MROH6: variants seen among roughly 807,000 people sequenced by gnomAD.
MROH6 encodes maestro heat-like repeat-containing protein family member 6.
MROH6 carries 62 observed loss-of-function variants against 67.7 expected under a neutral mutation model. The observed-to-expected ratio is 0.92, with a 90% CI of 0.75 to 1.13. The LOEUF is 1.13. MROH6 is among the 50% of genes most tolerant of loss of function. MROH6 has a pLI of 0.00. For synonymous variants in MROH6, 566 were observed against 470.8 expected (o/e 1.20, Z -2.62); for missense variants, 1,175 against 1,029.1 (o/e 1.14, Z -1.94).
chr8:143,569,329 AGGGCGGGGCCT>A (rs1476243973), intron 9 of MROH6, 101 bp downstream of exon 9: 2 of 714,092 alleles, frequency 2.8e-6, no homozygotes, highest in Non-Finnish European at 1.9e-6. Flanking sequence ...GGGGCCTGAG[AGGGCGGGGCCT>A]GGGCGGGAGA....
At chr8:143,572,400 A>T in intron 1 of MROH6, 21 bp downstream of exon 1, 2 of 1,538,840 alleles carry the variant, frequency 1.3e-6, no homozygotes, top group Non-Finnish European at 1.7e-6. Context: ...TTCGCACAAC[A>T]TCCCTTCCCT....
At chr8:143,567,715 C>T in intron 12 of MROH6, 39 bp from the exon 13 acceptor site, 9 of 1,573,580 alleles carry the variant, frequency 5.7e-6, no homozygotes, top group South Asian at 1.2e-5. Context: ...GCCCCACAGC[C>T]CCCCAGGGGG....
chr8:143,572,644 A>G lies in MROH6; in HGVS notation c.71T>C (p.Leu24Pro). 6.3e-7 allele frequency: 1 copy of G among 1,577,320 alleles called. No homozygotes were observed. The highest frequency in any genetic ancestry group is 1.8e-5 in the Admixed American group (1 of 56,752). ...CTGCCTGGCCCGGATTCCTTCAGTCAGTGCTGTCAGGGTTAGAGCCCCCAC... is the reference window on the plus strand; with the variant it reads ...CTGCCTGGCCCGGATTCCTTCAGTCGGTGCTGTCAGGGTTAGAGCCCCCAC... ...APVGALTLTA[L>P]TEGIRARQGQ... The change falls in exon 1 of 14, where the codon CTG becomes CCG. Residue 24 changes from leucine (L) to proline (P), a missense_variant. Physicochemically the swap from Leu to Pro is moderately conservative, Grantham distance 98. Coordinates refer to ENST00000398882, the MANE Select transcript of MROH6 (RefSeq NM_001100878.2).
Position 143,567,859 on chromosome 8 carries a change from G to A in MROH6, c.1794C>T (p.Asn598=). ...GGTAGCCCTGGGTCTGGCTCAGGAA[G>A]TTGGGCACGTGGCCTGGGTATCGCT... is the stretch of plus-strand genomic sequence containing the variant. ...LVQRYPGHVP[N]FLSQTQGYLR... Residue 598 remains asparagine, a synonymous_variant, in exon 12 of 14, where the codon AAC becomes AAT. Coordinates refer to ENST00000398882, the MANE Select transcript of MROH6 (RefSeq NM_001100878.2). 2 of 1,529,148 alleles carry A rather than the reference G, an allele frequency of 1.3e-6. No individual in the cohort carries two copies. Among genetic ancestry groups the A allele is most frequent in the Non-Finnish European group, 1.8e-6 (2 of 1,140,502 alleles). 94.7% of individuals were successfully genotyped at this position (1,529,148 alleles called of 1,614,324 possible).
chr8:143,568,377 G>A (rs11136302), intron 10 of MROH6, 116 bp from the exon 11 acceptor site: 474,341 of 1,454,854 alleles, frequency 0.33, 80,571 homozygotes, highest in East Asian at 0.42. Flanking sequence ...CAGGGCAGGA[G>A]ACTGGATTGA....
Position 143,570,356 on chromosome 8 carries a change from C to T in MROH6, c.930G>A (p.Ala310=), listed in dbSNP as rs751332616. The change falls in exon 6 of 14, where the codon GCG becomes GCA. Residue 310 remains alanine (A), a synonymous_variant. Transcript: ENST00000398882. ...TGCGGCCTCCATCCCCGGTGAGCAG[C>T]GCCTTCAAGGCCTCCACAGCACAGC... is the stretch of plus-strand genomic sequence containing the variant. ...HASCAVEALK[A]LLTGDGGRMV... 81 of 1,610,624 alleles carry T rather than the reference C, an allele frequency of 5.0e-5. No individual in the cohort carries two copies. The highest frequency in any genetic ancestry group is 1.6e-4 in the Middle Eastern group (1 of 6,082).
chr8:143,569,681 T>A lies in MROH6; in HGVS notation c.1302+16A>T. 6.2e-7 allele frequency: 1 copy of A among 1,611,026 alleles called. No individual in the cohort carries two copies. Among genetic ancestry groups the A allele is most frequent in the East Asian group, 2.2e-5 (1 of 44,798 alleles). ...ACCGGGCCAAGCCCCTCTCCACCCCTCCCCTTCTCTCACACCTTCCTGCGA... is the reference window on the plus strand; with the variant it reads ...ACCGGGCCAAGCCCCTCTCCACCCCACCCCTTCTCTCACACCTTCCTGCGA... On this transcript the variant is annotated intron_variant, in intron 8 of 13. Coordinates refer to ENST00000398882, the MANE Select transcript of MROH6 (RefSeq NM_001100878.2).
At chr8:143,568,362 G>C in intron 10 of MROH6, 101 bp from the exon 11 acceptor site, 2 of 1,487,726 alleles carry the variant, frequency 1.3e-6, no homozygotes, top group Non-Finnish European at 1.8e-6. Context: ...AGGGGCAGAA[G>C]AGCCCAGGGC....
Position 143,567,335 on chromosome 8 carries a change from C to CG in MROH6, c.2063dup (p.Arg689AlafsTer51), listed in dbSNP as rs1823670042. ...AGACTGGTGGGGGCCGGGCGGGGCG[C>CG]GGGGCGATGCGGAGAAGGCGGGGCC... is the stretch of plus-strand genomic sequence containing the variant. On this transcript the variant is annotated frameshift_variant, in exon 14 of 14. Coordinates refer to ENST00000398882, the MANE Select transcript of MROH6 (RefSeq NM_001100878.2). LOFTEE classifies it low-confidence loss of function (END_TRUNC). 8.2e-7 allele frequency: 1 copy of CG among 1,218,530 alleles called. No homozygotes were observed. Among genetic ancestry groups the CG allele is most frequent in the Non-Finnish European group, 1.0e-6 (1 of 979,132 alleles). The allele number at this position is 1,218,530 out of a possible 1,614,324, so 75.5% of individuals were successfully genotyped here. A position where few individuals can be genotyped will look rare whatever the true frequency, so the allele number is the denominator to read the frequency against.
chr8:143,570,667 A>T lies in MROH6; in HGVS notation c.721-10T>A, dbSNP rs775198883. ...CAAGAGCACGTGTGGCCTGTGGAGC[A>T]AGTGGCCCACTCAGGCCTGGGGCAC... On this transcript the variant is annotated splice_polypyrimidine_tract_variant and intron_variant, in intron 4 of 13. Transcript: ENST00000398882. 2 of 1,587,114 alleles carry T rather than the reference A, an allele frequency of 1.3e-6. No individual in the cohort carries two copies. Among genetic ancestry groups the T allele is most frequent in the Non-Finnish European group, 1.7e-6 (2 of 1,172,336 alleles).
At chr8:143,572,362 C>A in intron 1 of MROH6, 59 bp downstream of exon 1, 1 of 1,493,520 alleles carries the variant, frequency 6.7e-7, no homozygotes, top group South Asian at 1.3e-5. Context: ...CCGCCTTCCA[C>A]CTACCATCCA....
chr8:143,570,853 C>CCCGGGAAAGG, intron 4 of MROH6, 24 bp downstream of exon 4: 1 of 1,479,330 alleles, frequency 6.8e-7, no homozygotes, highest in Non-Finnish European at 9.1e-7. Context: ...CCCCCACCCC[C>CCCGGGAAAGG]TGGTAATGGC....
Position 143,569,833 on chromosome 8 carries a change from T to G in MROH6, c.1166A>C (p.Gln389Pro), listed in dbSNP as rs751032524. 5 of 1,611,016 alleles carry G rather than the reference T, an allele frequency of 3.1e-6. No individual in the cohort carries two copies. Among genetic ancestry groups the G allele is most frequent in the Non-Finnish European group, 4.2e-6 (5 of 1,179,068 alleles). ...CAGGAGCCGTGCGGTGGGCCGGCTC[T>G]GCAACAGCTAGGCGAGGCACATGGG... ...TAMAFFTGLL[Q>P]SRPTARLLRE... is the part of the protein sequence containing the mutation. Residue 389 changes from glutamine to proline, a missense_variant, in exon 8 of 14, where the codon CAG becomes CCG. By Grantham distance (76) the Gln-to-Pro change is moderately conservative. Transcript: ENST00000398882.
Position 143,568,545 on chromosome 8 carries a change from TGCTGACCTCAGCA to T in MROH6, c.1638_1644+6del, listed in dbSNP as rs768739762. 3.3e-6 allele frequency: 5 copies of T among 1,524,462 alleles called. No homozygotes were observed. The highest frequency in any genetic ancestry group is 4.4e-6 in the Non-Finnish European group (5 of 1,140,938). 94.4% of individuals were successfully genotyped at this position (1,524,462 alleles called of 1,614,324 possible). A position where few individuals can be genotyped will look rare whatever the true frequency, so the allele number is the denominator to read the frequency against. ...ATAGGGGTGGGATGGTGTCGGGGGC[TGCTGACCTCAGCA>T]GCGTCCCTGCTGGGGTCATGCAGGC... On this transcript the variant is annotated splice_donor_variant and splice_donor_5th_base_variant and coding_sequence_variant and intron_variant, in exon 10 of 14. Coordinates refer to ENST00000398882, the MANE Select transcript of MROH6 (RefSeq NM_001100878.2). LOFTEE classifies it high-confidence loss of function.
chr8:143,572,268 C>T, intron 1 of MROH6, 83 bp from the exon 2 acceptor site: 1 of 1,562,308 alleles, frequency 6.4e-7, no homozygotes, highest in East Asian at 2.3e-5. Flanking sequence ...CACCTGGCTT[C>T]CTACAAAATC....
intron 11 of MROH6, 87 bp downstream of exon 11, chr8:143,568,055 T>G (rs1388018328): frequency 4.0e-6 from 6 of 1,510,636 alleles, no homozygotes; most frequent in Non-Finnish European, 5.3e-6. Context: ...TTGGCTGCAG[T>G]AGAAACGGTT....
At chr8:143,568,495 G>A in intron 10 of MROH6, 57 bp downstream of exon 10, 1 of 1,468,858 alleles carries the variant, frequency 6.8e-7, no homozygotes, top group East Asian at 2.5e-5. Context: ...GGGAGGCACG[G>A]TGGGAGTGGT....
rs1426699958 is a variant in MROH6, at chr8:143,569,645, A to C, written c.1303-31T>G. On this transcript the variant is annotated intron_variant, in intron 8 of 13. Transcript: ENST00000398882. Reference sequence around the variant, plus strand: ...GGGACTCGGGGTCAGCCTCTTGCAGACCTCGCCGCGACCGGGCCAAGCCCC... The same window carrying C: ...GGGACTCGGGGTCAGCCTCTTGCAGCCCTCGCCGCGACCGGGCCAAGCCCC... The C allele has an allele frequency of 1.9e-6, 3 of 1,594,652 alleles. No homozygotes were observed. In the East Asian group the frequency reaches 6.7e-5, roughly 36 times the overall value.
At chr8:143,570,824 T>TGGG in intron 4 of MROH6, 53 bp downstream of exon 4, 9 of 1,186,570 alleles carry the variant, frequency 7.6e-6, no homozygotes, top group Admixed American at 2.1e-5. Flanking sequence ...TCCCCGCTCC[T>TGGG]CGCCACCCCC....
Sources: gnomAD v4.1 joint callset for allele counts on GRCh38, gnomAD v4.1.1 for gene constraint, MANE v1.5 for transcripts, NCBI Gene and HGNC (gene_info 2026-07-23, HGNC 2026-07-21) for gene names.